The following LMO7 variants were observed in gnomAD, a reference collection of about 807,000 sequenced individuals.
The protein encoded by LMO7 is LIM domain 7, also known as LIM domain only protein 7.
In LMO7, 120 loss-of-function variants were observed where a neutral mutation model predicts 206.5. The ratio of observed to expected loss-of-function variants is 0.58; its 90% CI spans 0.50 to 0.68. LMO7 has a LOEUF of 0.68. Ranked by LOEUF, LMO7 falls within the 30% of genes least tolerant of loss-of-function variation. The pLI, the probability that LMO7 is intolerant of heterozygous loss-of-function variation, is 0.00. For synonymous variants in LMO7, 706 were observed against 681.5 expected (o/e 1.04, Z -0.56); for missense variants, 1,959 against 1,957.9 (o/e 1.00, Z -0.01).
intron 1 of LMO7, among the ~76,000 whole-genome samples, chr13:75,658,617 T>C (rs1424485393): frequency 2.0e-5 from 3 of 152,240 alleles, no homozygotes; most frequent in Admixed American, 6.5e-5. Context: ...GGAATCTCGC[T>C]CTGTCGCCCA....
At position 75,845,363 on chromosome 13, in the gene LMO7, C is replaced by T; in HGVS notation, c.4134C>T (p.Tyr1378=). ...GATCTACTACTGAACTGGATGATTA[C>T]TCCACAAATAAAAATGGTAAATGCG... ...KSRSTTELDD[Y]STNKNGNNKY... Residue 1378 remains tyrosine, a synonymous_variant, in exon 26 of 31, where the codon TAC becomes TAT. Transcript: ENST00000377534. The T allele has an allele frequency of 6.3e-7, 1 of 1,583,370 alleles. No individual in the cohort carries two copies. Among genetic ancestry groups the T allele is most frequent in the Non-Finnish European group, 8.7e-7 (1 of 1,155,240 alleles).
intron 12 of LMO7, among the ~76,000 whole-genome samples, chr13:75,819,117 G>A (rs1025318861): frequency 2.6e-5 from 4 of 152,178 alleles, no homozygotes; most frequent in Non-Finnish European, 5.9e-5. Context: ...CTAATTACAA[G>A]CATTTAGCAT....
chr13:75,735,112 A>G (rs1045760067), intron 3 of LMO7, among the ~76,000 whole-genome samples: 2 of 126,574 alleles, frequency 1.6e-5, no homozygotes, highest in Non-Finnish European at 3.5e-5. Context: ...AAAAAAAAAA[A>G]TTACGTGTGT....
At chr13:75,625,898 C>T (rs1158256556) in intron 2 of LMO7, among the ~76,000 whole-genome samples, 1 of 152,192 alleles carries the variant, frequency 6.6e-6, no homozygotes, top group African/African-American at 2.4e-5. Context: ...ATTTTCAGCT[C>T]TTGAGGAAGT....
intron 1 of LMO7, among the ~76,000 whole-genome samples, chr13:75,643,805 C>T (rs1252902987): frequency 6.6e-6 from 1 of 152,208 alleles, no homozygotes; most frequent in Admixed American, 6.5e-5. Flanking sequence ...AATTACAGCA[C>T]AGTCCCATGA....
At chr13:75,749,170 T>C (rs1321131994) in intron 3 of LMO7, among the ~76,000 whole-genome samples, 2 of 152,218 alleles carry the variant, frequency 1.3e-5, no homozygotes, top group Non-Finnish European at 2.9e-5. Context: ...TCTATATAAG[T>C]GATGCTAAAG....
intron 15 of LMO7, among the ~76,000 whole-genome samples, chr13:75,828,219 A>G (rs1344680536): frequency 6.6e-6 from 1 of 152,234 alleles, no homozygotes; most frequent in Admixed American, 6.5e-5. Context: ...GTGTGCCTTG[A>G]CACCTTTTAA....
chr13:75,789,824 A>G (rs1595020052), intron 4 of LMO7, among the ~76,000 whole-genome samples: 1 of 152,328 alleles, frequency 6.6e-6, no homozygotes. Flanking sequence ...TGGCTGGTGC[A>G]CTGCGGTAAA....
intron 3 of LMO7, among the ~76,000 whole-genome samples, chr13:75,734,460 A>C (rs1036146510): frequency 6.6e-6 from 1 of 152,198 alleles, no homozygotes; most frequent in South Asian, 2.1e-4. Context: ...TACACTATTC[A>C]TGCTGTTTAT....
intron 4 of LMO7, 94 bp from the exon 5 acceptor site, chr13:75,795,307 T>C (rs2053843357): frequency 1.2e-6 from 1 of 808,680 alleles, no homozygotes; most frequent in African/African-American, 1.8e-5. Flanking sequence ...TTAATATTCA[T>C]AGAATTTTAG....
chr13:75,742,759 C>G (rs190818645), intron 3 of LMO7, among the ~76,000 whole-genome samples: 4 of 152,320 alleles, frequency 2.6e-5, no homozygotes, highest in Non-Finnish European at 5.9e-5. Flanking sequence ...AAACCACAAA[C>G]TATAAAAATT....
intron 3 of LMO7, among the ~76,000 whole-genome samples, chr13:75,752,205 C>T (rs2047331050): frequency 6.6e-6 from 1 of 152,046 alleles, no homozygotes; most frequent in Non-Finnish European, 1.5e-5. Flanking sequence ...GATCTTGGCT[C>T]ACTGCAACCT....
intron 4 of LMO7, among the ~76,000 whole-genome samples, chr13:75,779,726 C>T (rs2051033030): frequency 6.6e-6 from 1 of 152,126 alleles, no homozygotes; most frequent in African/African-American, 2.4e-5. Flanking sequence ...TAACGCATCC[C>T]ATTGACTTTC....
chr13:75,737,801 AC>A (rs2046038787), intron 3 of LMO7, among the ~76,000 whole-genome samples: 1 of 104,442 alleles, frequency 9.6e-6, no homozygotes, highest in Non-Finnish European at 2.0e-5. Flanking sequence ...AAAAAAAAAA[AC>A]TTTTTACTTT....
chr13:75,667,104 A>G (rs915969300), intron 1 of LMO7, among the ~76,000 whole-genome samples: 1 of 152,144 alleles, frequency 6.6e-6, no homozygotes, highest in African/African-American at 2.4e-5. Context: ...CTGTTTTCCA[A>G]TTCCATTGTC....
intron 1 of LMO7, among the ~76,000 whole-genome samples, chr13:75,653,087 A>G (rs1265691644): frequency 6.6e-6 from 1 of 152,204 alleles, no homozygotes; most frequent in Non-Finnish European, 1.5e-5. Context: ...GGGACAGAGT[A>G]TAGAAGGAAA....
At chr13:75,747,161 A>T (rs964684701) in intron 3 of LMO7, among the ~76,000 whole-genome samples, 1 of 152,178 alleles carries the variant, frequency 6.6e-6, no homozygotes, top group Non-Finnish European at 1.5e-5. Flanking sequence ...TGGAAAAAAA[A>T]ATCAGTTACG....
intron 4 of LMO7, among the ~76,000 whole-genome samples, chr13:75,784,399 G>A (rs2052061697): frequency 6.6e-6 from 1 of 152,118 alleles, no homozygotes. Flanking sequence ...TGAGGGTTTG[G>A]AATCTCATTT....
intron 4 of LMO7, among the ~76,000 whole-genome samples, chr13:75,772,984 A>G (rs1472747418): frequency 6.6e-6 from 1 of 152,108 alleles, no homozygotes; most frequent in African/African-American, 2.4e-5. Flanking sequence ...AAGGGTTTAG[A>G]TAATAAAAAA....
Sources: gnomAD v4.1 joint callset for allele counts (sites outside exome capture counted in the v4.1 genomes callset) on GRCh38, gnomAD v4.1.1 for gene constraint, MANE v1.5 for transcripts, NCBI Gene and HGNC (gene_info 2026-07-23, HGNC 2026-07-21) for gene names.